SYNRG: variants seen among roughly 807,000 people sequenced by gnomAD.
SYNRG encodes the protein AP1 gamma subunit binding protein 1.
Under a neutral mutation model 130.9 loss-of-function variants are expected in SYNRG, and 37 were observed. That is an observed-to-expected ratio of 0.28 (90% CI 0.22 to 0.37). SYNRG has a LOEUF of 0.37. SYNRG is among the 10% of genes least tolerant of loss of function. The probability of loss-of-function intolerance (pLI) is 1.00; values close to 1 mark genes in which losing one functional copy is unlikely to be tolerated. For synonymous variants in SYNRG, 539 were observed against 568.1 expected (o/e 0.95, Z 0.73); for missense variants, 1,338 against 1,588.9 (o/e 0.84, Z 2.68).
rs1188117015 is a variant in SYNRG at position 37,568,982 on chromosome 17, CA to C, written c.1348-59del. Reference sequence around the variant, plus strand: ...ACTGACTGACAAAATAAATACACAACAAATCAAAAGTCAATCTCAAAGACTG... The same window carrying C: ...ACTGACTGACAAAATAAATACACAACAATCAAAAGTCAATCTCAAAGACTG... On this transcript the variant is annotated intron_variant, in intron 10 of 21. Transcript: ENST00000612223. The C allele has an allele frequency of 1.9e-6, 3 of 1,553,820 alleles. No individual in the cohort carries two copies. The Admixed American group carries it at 5.8e-5, about 30-fold the overall frequency.
chr17:37,581,855 C>T (rs2061368504), intron 6 of SYNRG, among the ~76,000 whole-genome samples: 1 of 151,512 alleles, frequency 6.6e-6, no homozygotes, highest in South Asian at 2.1e-4. Context: ...ACCTCTGCCT[C>T]CTGGGTTCAA....
At chr17:37,524,310 G>GA (rs929805159) in intron 19 of SYNRG, among the ~76,000 whole-genome samples, 30 of 150,618 alleles carry the variant, frequency 2.0e-4, no homozygotes, top group South Asian at 8.4e-4. Flanking sequence ...TCCTCACCAG[G>GA]AAAAAAAAAG....
At chr17:37,571,322 C>T (rs944438088) in intron 9 of SYNRG, among the ~76,000 whole-genome samples, 1 of 152,164 alleles carries the variant, frequency 6.6e-6, no homozygotes, top group African/African-American at 2.4e-5. Context: ...TGGCTCATGC[C>T]TGTAATCCCA....
At chr17:37,555,962 AT>A in intron 13 of SYNRG, among the ~76,000 whole-genome samples, 1 of 152,312 alleles carries the variant, frequency 6.6e-6, no homozygotes, top group South Asian at 2.1e-4. Flanking sequence ...ATCATTTATT[AT>A]TTTAAAAAAT....
chr17:37,595,093 G>C (rs2062638017), intron 3 of SYNRG, among the ~76,000 whole-genome samples: 1 of 152,178 alleles, frequency 6.6e-6, no homozygotes, highest in Non-Finnish European at 1.5e-5. Context: ...GCACACCCTA[G>C]TGAAAGCTAG....
At chr17:37,544,603 T>C (rs1004196416) in intron 14 of SYNRG, among the ~76,000 whole-genome samples, 3 of 152,014 alleles carry the variant, frequency 2.0e-5, no homozygotes, top group African/African-American at 7.2e-5. Flanking sequence ...GCATGAGCCA[T>C]TGTGCCTGGC....
chr17:37,542,956 T>A (rs902435127), intron 14 of SYNRG, among the ~76,000 whole-genome samples: 1 of 152,220 alleles, frequency 6.6e-6, no homozygotes, highest in African/African-American at 2.4e-5. Flanking sequence ...TTGACTTTGT[T>A]GGAAAATGTG....
intron 15 of SYNRG, chr17:37,541,002 G>A: frequency 7.1e-6 from 7 of 986,830 alleles, no homozygotes; most frequent in Non-Finnish European, 8.4e-6. Flanking sequence ...CATTCTTTCT[G>A]GGAAGCTACA....
At chr17:37,572,021 C>A in intron 8 of SYNRG, 34 bp from the exon 9 acceptor site, 7 of 1,557,006 alleles carry the variant, frequency 4.5e-6, no homozygotes, top group Non-Finnish European at 6.1e-6. Flanking sequence ...CAAATGGAAA[C>A]ACATTCCAAG....
intron 1 of SYNRG, among the ~76,000 whole-genome samples, chr17:37,602,607 A>ATT (rs1194839280): frequency 6.6e-6 from 1 of 152,234 alleles, no homozygotes; most frequent in East Asian, 1.9e-4. Flanking sequence ...AAAAATGGTG[A>ATT]TTGTTAAGTG....
intron 6 of SYNRG, among the ~76,000 whole-genome samples, chr17:37,580,208 A>G (rs2061183415): frequency 6.6e-6 from 1 of 152,060 alleles, no homozygotes; most frequent in East Asian, 1.9e-4. Flanking sequence ...CAAAGCTGTA[A>G]TTTTTGAAAT....
intron 3 of SYNRG, among the ~76,000 whole-genome samples, chr17:37,588,635 C>T (rs2061889628): frequency 6.6e-6 from 1 of 152,110 alleles, no homozygotes; most frequent in Non-Finnish European, 1.5e-5. Context: ...TTATTGCTAA[C>T]ATTCTCTATT....
At chr17:37,521,091 G>A (rs112514530) in intron 19 of SYNRG, among the ~76,000 whole-genome samples, 2,125 of 150,808 alleles carry the variant, frequency 0.014, 50 homozygotes, top group African/African-American at 0.049. Context: ...GGAGTGCAAT[G>A]GTGTGATCTC....
At chr17:37,545,467 A>T (rs2058200934) in intron 14 of SYNRG, among the ~76,000 whole-genome samples, 1 of 152,214 alleles carries the variant, frequency 6.6e-6, no homozygotes, top group Non-Finnish European at 1.5e-5. Flanking sequence ...CAAACACTGC[A>T]ATCAAGATAT....
rs377342574 is a variant in SYNRG at position 37,580,094 on chromosome 17, G to A, written c.590-2481C>T. Among the ~76,000 whole-genome samples the A allele has an allele frequency of 1.8e-4, 27 of 152,080 alleles. No individual in the cohort carries two copies. The East Asian group carries it at 5.0e-3, about 28-fold the overall frequency. ...TCAAACCAATATACATCAGATATAAGAAAACCTACCAATATAGTGCTGAAT... is the reference window on the plus strand; with the variant it reads ...TCAAACCAATATACATCAGATATAAAAAAACCTACCAATATAGTGCTGAAT... On this transcript the variant is annotated intron_variant, in intron 6 of 21. Transcript: ENST00000612223.
At chr17:37,586,213 C>T (rs2061678508) in intron 4 of SYNRG, among the ~76,000 whole-genome samples, 3 of 152,102 alleles carry the variant, frequency 2.0e-5, no homozygotes, top group South Asian at 2.1e-4. Context: ...AGGCTGGTCT[C>T]GAACTCCTGG....
At chr17:37,538,998 T>G in intron 17 of SYNRG, 194 bp downstream of exon 17, 129 of 961,952 alleles carry the variant, frequency 1.3e-4, no homozygotes, top group Non-Finnish European at 1.4e-4. Context: ...GACTGACACA[T>G]GAGCCGGTCT....
intron 15 of SYNRG, chr17:37,541,599 C>G: frequency 8.9e-6 from 2 of 225,244 alleles, no homozygotes. Flanking sequence ...CCCCGGCCCC[C>G]ACTTTGCAAC....
chr17:37,541,648 G>A (rs1598209503), intron 15 of SYNRG: 5 of 354,658 alleles, frequency 1.4e-5, no homozygotes, highest in Admixed American at 4.2e-5. Flanking sequence ...CAGGGAACAT[G>A]AGCGGAGCTA....
Sources: allele counts gnomAD v4.1 joint callset (sites outside exome capture counted in the v4.1 genomes callset), GRCh38; gene constraint gnomAD v4.1.1; transcripts MANE v1.5; gene names NCBI Gene and HGNC (gene_info 2026-07-23, HGNC 2026-07-21).